The following MYT1L variants were observed in gnomAD, a reference collection of about 807,000 sequenced individuals.
MYT1L encodes the protein myelin transcription factor 1-like protein.
A neutral mutation model predicts 126.7 loss-of-function variants in MYT1L; 12 were observed. That is an observed-to-expected ratio of 0.09 (90% CI 0.06 to 0.15). The LOEUF (loss-of-function observed/expected upper bound fraction) is 0.15, where lower values mean the gene tolerates loss of function less well. MYT1L is among the 10% of genes least tolerant of loss of function. MYT1L has a pLI of 1.00. For synonymous variants in MYT1L, 541 were observed against 604.2 expected, an observed-to-expected ratio of 0.90 and a Z score of 1.53; for missense variants, 979 against 1,585.2, an observed-to-expected ratio of 0.62 and a Z score of 6.49.
chr2:2,149,308 G>C (rs888795830), intron 3 of MYT1L, among the ~76,000 whole-genome samples: 2 of 152,184 alleles, frequency 1.3e-5, no homozygotes, highest in African/African-American at 4.8e-5. Flanking sequence ...AGTAACTAGT[G>C]CTGCATATAT....
At chr2:1,994,662 G>T (rs2061691710) in intron 5 of MYT1L, among the ~76,000 whole-genome samples, 4 of 152,184 alleles carry the variant, frequency 2.6e-5, no homozygotes, top group Admixed American at 1.3e-4. Context: ...GTTCTGTATT[G>T]CTGATCTATA....
chr2:2,171,429 T>A (rs1222207489), intron 3 of MYT1L, among the ~76,000 whole-genome samples: 3 of 152,234 alleles, frequency 2.0e-5, no homozygotes, highest in African/African-American at 7.2e-5. Context: ...CAAAGCCACA[T>A]GTAAACATTA....
intron 14 of MYT1L, among the ~76,000 whole-genome samples, chr2:1,895,889 G>A (rs561069890): frequency 2.0e-5 from 3 of 152,202 alleles, no homozygotes; most frequent in Admixed American, 6.5e-5. Context: ...AACTATCAAC[G>A]GAGCAGACAG....
chr2:2,318,861 C>T (rs1008406539), intron 1 of MYT1L, among the ~76,000 whole-genome samples: 2 of 152,160 alleles, frequency 1.3e-5, no homozygotes, highest in Non-Finnish European at 2.9e-5. Flanking sequence ...CTTTTTGATG[C>T]CTGAGCTACT....
At chr2:2,204,917 G>A (rs2093251449) in intron 2 of MYT1L, among the ~76,000 whole-genome samples, 1 of 151,708 alleles carries the variant, frequency 6.6e-6, no homozygotes, top group Non-Finnish European at 1.5e-5. Context: ...ATACACCATG[G>A]AATACTATGC....
chr2:1,815,183 CGCCACAGGCCTG>C (rs2037426677), intron 21 of MYT1L, among the ~76,000 whole-genome samples: 1 of 152,078 alleles, frequency 6.6e-6, no homozygotes, highest in African/African-American at 2.4e-5. Flanking sequence ...GAGCTCCGGC[CGCCACAGGCCTG>C]GCTCTCTGGG....
intron 2 of MYT1L, among the ~76,000 whole-genome samples, chr2:2,276,561 A>G (rs2095362158): frequency 6.6e-6 from 1 of 152,008 alleles, no homozygotes; most frequent in Non-Finnish European, 1.5e-5. Context: ...GTTAGTTTCC[A>G]CTTCACCTTG....
chr2:2,086,072 C>T (rs903538302), intron 3 of MYT1L, among the ~76,000 whole-genome samples: 4 of 152,310 alleles, frequency 2.6e-5, no homozygotes, highest in African/African-American at 9.6e-5. Flanking sequence ...AGGACTACAT[C>T]ACTGTGATCT....
intron 14 of MYT1L, among the ~76,000 whole-genome samples, chr2:1,899,905 T>C (rs2050113228): frequency 6.6e-6 from 1 of 152,192 alleles, no homozygotes; most frequent in Non-Finnish European, 1.5e-5. Flanking sequence ...ACTGGTGTGC[T>C]GTGTCTGGAA....
intron 3 of MYT1L, among the ~76,000 whole-genome samples, chr2:2,142,317 C>G (rs927039920): frequency 4.6e-5 from 7 of 152,138 alleles, no homozygotes; most frequent in Admixed American, 3.3e-4. Flanking sequence ...ATTGTCATAG[C>G]ATTCTTCCTC....
chr2:2,021,629 G>A (rs966026482), intron 4 of MYT1L, among the ~76,000 whole-genome samples: 2 of 152,202 alleles, frequency 1.3e-5, no homozygotes, highest in Non-Finnish European at 2.9e-5. Context: ...CGGGCGCGGT[G>A]GCCCACGCCT....
chr2:2,061,675 G>A (rs2070519655), intron 3 of MYT1L, among the ~76,000 whole-genome samples: 1 of 152,128 alleles, frequency 6.6e-6, no homozygotes, highest in African/African-American at 2.4e-5. Flanking sequence ...CAATGGACCT[G>A]TGATATCTGG....
At chr2:2,068,766 C>CTTTTT (rs1370285207) in intron 3 of MYT1L, among the ~76,000 whole-genome samples, 1 of 5,874 alleles carries the variant, frequency 1.7e-4, no homozygotes, top group Non-Finnish European at 3.7e-4. Context: ...CTGTGTTCTT[C>CTTTTT]TTGTTTTTTT....
chr2:1,800,990 T>C (rs928178897), intron 23 of MYT1L, among the ~76,000 whole-genome samples: 11 of 151,882 alleles, frequency 7.2e-5, no homozygotes, highest in Non-Finnish European at 1.5e-4. Context: ...ACTCCCAGAG[T>C]GTACTTCGGC....
At chr2:2,266,694 C>T (rs145339278) in intron 2 of MYT1L, among the ~76,000 whole-genome samples, 2,451 of 152,254 alleles carry the variant, frequency 0.016, 63 homozygotes, top group African/African-American at 0.056. Context: ...ATAACTCCCA[C>T]ATGTTGTGGG....
chr2:1,949,379 C>G (rs1003940462), intron 8 of MYT1L, among the ~76,000 whole-genome samples: 14 of 152,190 alleles, frequency 9.2e-5, no homozygotes, highest in Admixed American at 5.9e-4. Context: ...ACCCCCACCC[C>G]CTCCAAGCCA....
At chr2:2,208,860 G>A (rs1163927216) in intron 2 of MYT1L, among the ~76,000 whole-genome samples, 1 of 152,024 alleles carries the variant, frequency 6.6e-6, no homozygotes, top group Non-Finnish European at 1.5e-5. Context: ...CTATACATTG[G>A]TTACTATAAC....
intron 21 of MYT1L, among the ~76,000 whole-genome samples, chr2:1,814,226 T>C (rs1176042526): frequency 1.3e-5 from 2 of 151,976 alleles, no homozygotes; most frequent in African/African-American, 2.4e-5. Context: ...CCCACTTGAG[T>C]TTGCTGTCCC....
At chr2:1,919,197 G>T (rs1313216120) in intron 10 of MYT1L, among the ~76,000 whole-genome samples, 1 of 152,158 alleles carries the variant, frequency 6.6e-6, no homozygotes, top group African/African-American at 2.4e-5. Flanking sequence ...AAACAATGTG[G>T]CTCCAAAGCA....
Sources: gnomAD v4.1 joint callset for allele counts (sites outside exome capture counted in the v4.1 genomes callset) on GRCh38, gnomAD v4.1.1 for gene constraint, MANE v1.5 for transcripts, NCBI Gene and HGNC (gene_info 2026-07-23, HGNC 2026-07-21) for gene names.